Variants in AHCYL2 observed in about 807,000 individuals in gnomAD.
AHCYL2 encodes S-adenosylhomocysteine hydrolase-like protein 2.
In AHCYL2, 28 loss-of-function variants were observed where a neutral mutation model predicts 81.4. The observed-to-expected ratio is 0.34, with a 90% confidence interval of 0.25 to 0.47. AHCYL2 has a LOEUF of 0.47. Ranked by LOEUF, AHCYL2 falls within the 20% of genes least tolerant of loss-of-function variation. AHCYL2 has a pLI of 1.00. For synonymous variants in AHCYL2, 272 were observed against 290.2 expected (o/e 0.94, Z 0.64); for missense variants, 551 against 785.1 (o/e 0.70, Z 3.56).
chr7:129,329,143 C>T (rs1036745948), intron 1 of AHCYL2, among the ~76,000 whole-genome samples: 3 of 152,100 alleles, frequency 2.0e-5, no homozygotes, highest in African/African-American at 4.8e-5. Flanking sequence ...TGAGAGAATA[C>T]CTTGCAGGAT....
rs1168996287 is a variant in AHCYL2, at chr7:129,331,614, C to T, written c.364-48024C>T. On this transcript the variant is annotated intron_variant, in intron 1 of 16. Coordinates refer to ENST00000325006, the MANE Select transcript of AHCYL2 (RefSeq NM_015328.4). ...ATCCCAGCACTTTGGGAGGCCAAGG[C>T]GGGCAGATCACGAGCTCAGGAGTTC... is the stretch of plus-strand genomic sequence containing the variant. Among the ~76,000 whole-genome samples the T allele has an allele frequency of 3.3e-5, 5 of 152,096 alleles. 1 individual carries two copies. The highest frequency in any genetic ancestry group is 4.1e-4 in the South Asian group (2 of 4,824).
Position 129,321,743 on chromosome 7 carries a change from GTTTTTTT to G in AHCYL2, c.364-57880_364-57874del. 1.2e-4 allele frequency among the ~76,000 whole-genome samples: 9 copies of G among 77,630 alleles called. 1 individual carries two copies. Among genetic ancestry groups the G allele is most frequent in the Non-Finnish European group, 1.5e-4 (6 of 39,930 alleles). The allele number at this position is 77,630 out of a possible 152,430, so 50.9% of individuals were successfully genotyped here. A position where few individuals can be genotyped will look rare whatever the true frequency, so the allele number is the denominator to read the frequency against. On this transcript the variant is annotated intron_variant, in intron 1 of 16. Transcript: ENST00000325006. ...TGTATGGAATTTGTATTCTTTCTTT[GTTTTTTT>G]TTTTTTTTTTTTTTGGTCTTGGTTT...
At chr7:129,309,231 C>A (rs1048947030) in intron 1 of AHCYL2, among the ~76,000 whole-genome samples, 1 of 151,060 alleles carries the variant, frequency 6.6e-6, no homozygotes. Context: ...GACTTCGTCT[C>A]AAAACAACAA....
chr7:129,428,172 T>C lies in AHCYL2; in HGVS notation c.*1127T>C, dbSNP rs1797437855. On this transcript the variant is annotated 3_prime_UTR_variant, in exon 17 of 17. Transcript: ENST00000325006. ...AGATTATCAAAGCTAATTTGACTAG[T>C]TTGAACCTCGTCAGACATTCATTCC... is the stretch of plus-strand genomic sequence containing the variant. 1 of 152,236 alleles carries C rather than the reference T, an allele frequency of 6.6e-6. No individual in the cohort carries two copies. The highest frequency in any genetic ancestry group is 1.5e-5 in the Non-Finnish European group (1 of 68,034). The allele number at this position is 152,236 out of a possible 1,614,324, so 9.4% of individuals were successfully genotyped here. A position where few individuals can be genotyped will look rare whatever the true frequency, so the allele number is the denominator to read the frequency against.
chr7:129,258,794 A>C (rs1195522699), intron 1 of AHCYL2, among the ~76,000 whole-genome samples: 4 of 152,084 alleles, frequency 2.6e-5, no homozygotes, highest in African/African-American at 9.7e-5. Flanking sequence ...TTGTTTTACC[A>C]CCCAGGCTCC....
chr7:129,251,634 C>T (rs1164162129), intron 1 of AHCYL2, among the ~76,000 whole-genome samples: 3 of 152,140 alleles, frequency 2.0e-5, no homozygotes, highest in Non-Finnish European at 2.9e-5. Context: ...GGTGAGATTA[C>T]AGGTGTGCGC....
chr7:129,410,964 T>C (rs1355383575), intron 11 of AHCYL2, among the ~76,000 whole-genome samples: 1 of 152,166 alleles, frequency 6.6e-6, no homozygotes, highest in Non-Finnish European at 1.5e-5. Context: ...AGATGAGGTC[T>C]CAGTCTCCAG....
chr7:129,359,175 A>G (rs1424436085), intron 1 of AHCYL2, among the ~76,000 whole-genome samples: 3 of 152,238 alleles, frequency 2.0e-5, no homozygotes, highest in African/African-American at 7.2e-5. Context: ...TTCCCACAAT[A>G]TAAATAAAAC....
chr7:129,257,202 C>CA (rs1795460730), intron 1 of AHCYL2, among the ~76,000 whole-genome samples: 1 of 152,158 alleles, frequency 6.6e-6, no homozygotes, highest in Non-Finnish European at 1.5e-5. Context: ...GAAATGTATG[C>CA]AGAAGTGTTT....
At chr7:129,383,724 C>A (rs549534176) in intron 2 of AHCYL2, among the ~76,000 whole-genome samples, 1 of 152,264 alleles carries the variant, frequency 6.6e-6, no homozygotes, top group South Asian at 2.1e-4. Context: ...TTCACTCTGG[C>A]CTTACTAGCC....
At chr7:129,344,902 C>T (rs1449077481) in intron 1 of AHCYL2, among the ~76,000 whole-genome samples, 6 of 152,184 alleles carry the variant, frequency 3.9e-5, no homozygotes, top group Admixed American at 3.9e-4. Context: ...CACCTGTAAT[C>T]CCAGCACTTT....
chr7:129,417,165 A>C (rs1463396848), intron 12 of AHCYL2, among the ~76,000 whole-genome samples: 1 of 152,196 alleles, frequency 6.6e-6, no homozygotes, highest in Non-Finnish European at 1.5e-5. Context: ...TATTTGAGGC[A>C]GACTGGAAGG....
chr7:129,362,334 A>G (rs1793958298), intron 1 of AHCYL2, among the ~76,000 whole-genome samples: 1 of 152,168 alleles, frequency 6.6e-6, no homozygotes, highest in African/African-American at 2.4e-5. Flanking sequence ...CCTGTGAGGT[A>G]TGAATTTTAG....
rs183057653 is a variant in AHCYL2, at chr7:129,348,398, C to A, written c.364-31240C>A. Reference sequence around the variant, plus strand: ...GTGTAGAAAAAGAAACAATAACCCCCCCCCCACACACACACATACATGCTT... The same window carrying A: ...GTGTAGAAAAAGAAACAATAACCCCACCCCCACACACACACATACATGCTT... On this transcript the variant is annotated intron_variant, in intron 1 of 16. Coordinates refer to ENST00000325006, the MANE Select transcript of AHCYL2 (RefSeq NM_015328.4). 4.9e-3 allele frequency among the ~76,000 whole-genome samples: 729 copies of A among 150,072 alleles called. 10 individuals carry two copies. Among genetic ancestry groups the A allele is most frequent in the African/African-American group, 0.017 (697 of 40,754 alleles).
chr7:129,429,904 T>A lies in AHCYL2; in HGVS notation c.*2859T>A, dbSNP rs1797512432. 6.6e-6 allele frequency: 1 copy of A among 152,606 alleles called. No homozygotes were observed. The highest frequency in any genetic ancestry group is 1.5e-5 in the Non-Finnish European group (1 of 68,010). The allele number at this position is 152,606 out of a possible 1,614,324, so 9.5% of individuals were successfully genotyped here. On this transcript the variant is annotated 3_prime_UTR_variant, in exon 17 of 17. Transcript: ENST00000325006. ...TCAAAATTAACTTTGCCGTGGTTTT[T>A]AAAAAGGAATCAAAATGCATTGTTG...
At chr7:129,257,158 T>G (rs1372381590) in intron 1 of AHCYL2, among the ~76,000 whole-genome samples, 1 of 152,144 alleles carries the variant, frequency 6.6e-6, no homozygotes, top group Non-Finnish European at 1.5e-5. Context: ...AAACATGAAC[T>G]ATAGAACCCT....
At chr7:129,416,664 G>A (rs557814489) in intron 12 of AHCYL2, among the ~76,000 whole-genome samples, 1 of 152,092 alleles carries the variant, frequency 6.6e-6, no homozygotes, top group Non-Finnish European at 1.5e-5. Flanking sequence ...GCTGGGCGTG[G>A]TGGTGGGCGC....
At chr7:129,226,238 C>T (rs1456625124) in intron 1 of AHCYL2, among the ~76,000 whole-genome samples, 2 of 152,216 alleles carry the variant, frequency 1.3e-5, no homozygotes, top group Non-Finnish European at 2.9e-5. Flanking sequence ...GCGTCAGCTT[C>T]TTTCAGACAG....
chr7:129,417,381 A>G (rs1796909104), intron 12 of AHCYL2, among the ~76,000 whole-genome samples: 1 of 152,238 alleles, frequency 6.6e-6, no homozygotes, highest in South Asian at 2.1e-4. Context: ...CTCATAGCCC[A>G]TTGTAAGAAC....
Sources: gnomAD v4.1 joint callset for allele counts (sites outside exome capture counted in the v4.1 genomes callset) on GRCh38, gnomAD v4.1.1 for gene constraint, MANE v1.5 for transcripts, NCBI Gene and HGNC (gene_info 2026-07-23, HGNC 2026-07-21) for gene names.